METTL21A: variants seen among roughly 807,000 people sequenced by gnomAD.
METTL21A encodes the protein methyltransferase 21A, HSPA lysine.
A neutral mutation model predicts 20.9 loss-of-function variants in METTL21A; 22 were observed. That is an observed-to-expected ratio of 1.05 (90% CI 0.75 to 1.50). METTL21A has a LOEUF of 1.50. METTL21A is among the 40% of genes most tolerant of loss of function. METTL21A has a pLI of 0.00. For missense variants in METTL21A, 271 were observed against 266.8 expected, an observed-to-expected ratio of 1.02 and a Z score of -0.11; for synonymous variants, 93 against 102.0, an observed-to-expected ratio of 0.91 and a Z score of 0.53.
intron 3 of METTL21A, among the ~76,000 whole-genome samples, chr2:207,590,328 C>T (rs1434854965): frequency 6.6e-6 from 1 of 151,514 alleles, no homozygotes; most frequent in East Asian, 1.9e-4. Context: ...TCTCTGTATT[C>T]GCCACCCCTA....
chr2:207,592,336 G>C (rs1370753306), intron 3 of METTL21A, among the ~76,000 whole-genome samples: 3 of 152,226 alleles, frequency 2.0e-5, no homozygotes, highest in African/African-American at 7.2e-5. Context: ...AAACCCGGGA[G>C]GCAGAGGTTG....
chr2:207,603,329 TAA>T (rs2087439954), intron 3 of METTL21A: 1 of 223,914 alleles, frequency 4.5e-6, no homozygotes, highest in African/African-American at 2.2e-5. Flanking sequence ...AATATTGTCA[TAA>T]AGTGCTTTTT....
At chr2:207,613,380 G>T (rs767507446) in exon 4 of METTL21A, 5 of 1,609,606 alleles carry the variant, frequency 3.1e-6, no homozygotes, top group Non-Finnish European at 4.2e-6. Context: ...AGGTAAGTTG[G>T]CTTGAACGTT....
At chr2:207,607,964 G>A (rs184132695), downstream of METTL21A, among the ~76,000 whole-genome samples, 227 of 152,064 alleles carry the variant, frequency 1.5e-3, 1 homozygote, top group African/African-American at 5.0e-3. Context: ...CCAGATACGC[G>A]CGCTCGCTCT....
At position 207,622,648 on chromosome 2, in the gene METTL21A, T is replaced by G. The variant is rs2090630913; in HGVS notation, c.148-731A>C. On this transcript the variant is annotated intron_variant, in intron 2 of 3. Coordinates refer to ENST00000406927, the Ensembl canonical transcript of METTL21A. The stretch of plus-strand genomic sequence containing the variant: ...AAAAGCAACACATTGCCCAAGGGTC[T>G]CTGAACTGCGTCACTGATGGTCATC... Among the ~76,000 whole-genome samples, 4 of 152,354 alleles carry G rather than the reference T, an allele frequency of 2.6e-5. No homozygotes were observed. The Middle Eastern group carries it at 0.01, about 389-fold the overall frequency.
chr2:207,591,087 T>C (rs2084944370), intron 3 of METTL21A, among the ~76,000 whole-genome samples: 1 of 152,210 alleles, frequency 6.6e-6, no homozygotes, highest in African/African-American at 2.4e-5. Flanking sequence ...TCTTAAATTA[T>C]CAAGTATCAT....
At chr2:207,615,927 A>G (rs978113213) in intron 3 of METTL21A, among the ~76,000 whole-genome samples, 2 of 151,470 alleles carry the variant, frequency 1.3e-5, no homozygotes, top group African/African-American at 4.8e-5. Context: ...TTTTTTCCCA[A>G]ACATACAGAG....
intron 2 of METTL21A, among the ~76,000 whole-genome samples, chr2:207,623,252 G>C (rs2090711260): frequency 6.6e-6 from 1 of 152,106 alleles, no homozygotes; most frequent in Admixed American, 6.5e-5. Context: ...ACCTGGACTG[G>C]ATTCCTAGAA....
chr2:207,624,649 G>A lies in METTL21A; in HGVS notation c.-29-245C>T, dbSNP rs548830359. The A allele has an allele frequency of 1.6e-5, 5 of 304,312 alleles. No individual in the cohort carries two copies. The East Asian group carries it at 4.0e-4, about 24-fold the overall frequency. 18.9% of individuals were successfully genotyped at this position (304,312 alleles called of 1,614,324 possible). A position where few individuals can be genotyped will look rare whatever the true frequency, so the allele number is the denominator to read the frequency against. On this transcript the variant is annotated intron_variant, in intron 1 of 3. Coordinates refer to ENST00000406927, the Ensembl canonical transcript of METTL21A. Reference sequence around the variant, plus strand: ...AAAAGCCCAGAACATTCCAACTTCCGCAGAATACCCTATACACTGCACTGC... The same window carrying A: ...AAAAGCCCAGAACATTCCAACTTCCACAGAATACCCTATACACTGCACTGC...
At chr2:207,606,624 A>G (rs1479811452), downstream of METTL21A, among the ~76,000 whole-genome samples, 1 of 152,170 alleles carries the variant, frequency 6.6e-6, no homozygotes. Context: ...AATTCATGTT[A>G]AAGACCTTGA....
intron 3 of METTL21A, among the ~76,000 whole-genome samples, chr2:207,588,018 A>G (rs1326982285): frequency 6.6e-6 from 1 of 152,248 alleles, no homozygotes; most frequent in African/African-American, 2.4e-5. Flanking sequence ...TTTGATCATT[A>G]CATACTGTAT....
intron 3 of METTL21A, chr2:207,582,744 T>G: frequency 5.2e-6 from 1 of 190,686 alleles, no homozygotes; most frequent in Non-Finnish European, 1.1e-5. Flanking sequence ...AAAGAGAAAA[T>G]TTAGCCGGGG....
At chr2:207,584,306 C>T (rs975380815) in intron 3 of METTL21A, among the ~76,000 whole-genome samples, 5 of 152,172 alleles carry the variant, frequency 3.3e-5, no homozygotes, top group Non-Finnish European at 7.3e-5. Flanking sequence ...GCTTTGTATC[C>T]TTGCCAAAAC....
intron 3 of METTL21A, among the ~76,000 whole-genome samples, chr2:207,596,612 A>G (rs1250758958): frequency 1.3e-5 from 2 of 152,022 alleles, no homozygotes; most frequent in Non-Finnish European, 2.9e-5. Flanking sequence ...TTTTGTGTTT[A>G]TAGTAGAGAG....
At chr2:207,596,677 C>T (rs1451692761) in intron 3 of METTL21A, among the ~76,000 whole-genome samples, 1 of 152,184 alleles carries the variant, frequency 6.6e-6, no homozygotes, top group East Asian at 1.9e-4. Context: ...AGGTGATCTC[C>T]CTGCCTTGGC....
At chr2:207,616,663 G>C (rs1320566177) in intron 3 of METTL21A, among the ~76,000 whole-genome samples, 1 of 152,204 alleles carries the variant, frequency 6.6e-6, no homozygotes, top group Admixed American at 6.5e-5. Context: ...TGGCCAACAT[G>C]ATGAAACCCT....
At chr2:207,617,031 G>C (rs2551944) in intron 3 of METTL21A, among the ~76,000 whole-genome samples, 127,691 of 151,796 alleles carry the variant, frequency 0.84, 53,874 homozygotes, top group East Asian at 1. Context: ...GATTTATGCT[G>C]GGTAAGGAGG....
intron 3 of METTL21A, chr2:207,620,770 T>G: frequency 7.2e-7 from 1 of 1,392,752 alleles, no homozygotes; most frequent in Non-Finnish European, 9.6e-7. Flanking sequence ...ATGCTCCCTG[T>G]CGAATTTTGG....
At chr2:207,620,780 G>C in intron 3 of METTL21A, 1 of 1,264,192 alleles carries the variant, frequency 7.9e-7, no homozygotes, top group South Asian at 1.4e-5. Flanking sequence ...TCGAATTTTG[G>C]AAAGCAGCAG....
Sources: gnomAD v4.1 joint callset for allele counts (sites outside exome capture counted in the v4.1 genomes callset) on GRCh38, gnomAD v4.1.1 for gene constraint, MANE v1.5 for transcripts, NCBI Gene and HGNC (gene_info 2026-07-23, HGNC 2026-07-21) for gene names.